The following RARB variants were observed in gnomAD, a reference collection of about 807,000 sequenced individuals.
RARB encodes the protein retinoic acid receptor beta.
RARB carries 17 observed loss-of-function variants against 51.9 expected under a neutral mutation model. The ratio of observed to expected loss-of-function variants is 0.33; its 90% confidence interval spans 0.22 to 0.49. The LOEUF is 0.49. RARB is among the 20% of genes least tolerant of loss of function. The pLI is 0.99. For missense variants in RARB, 369 were observed against 550.8 expected (o/e 0.67, Z 3.30); for synonymous variants, 215 against 195.4 (o/e 1.10, Z -0.84).
At chr3:24,975,886 A>G (rs1406199611) in intron 2 of RARB, among the ~76,000 whole-genome samples, 4 of 152,084 alleles carry the variant, frequency 2.6e-5, no homozygotes, top group Admixed American at 1.3e-4. Context: ...CGTCATTTAC[A>G]TTAGGTATTT....
chr3:25,014,167 T>C (rs1235607107), intron 2 of RARB, among the ~76,000 whole-genome samples: 1 of 152,134 alleles, frequency 6.6e-6, no homozygotes, highest in Non-Finnish European at 1.5e-5. Context: ...TCCCCAAACA[T>C]GTTCTTCACT....
chr3:25,171,965 T>C (rs572025166), intron 4 of RARB, among the ~76,000 whole-genome samples: 2 of 152,262 alleles, frequency 1.3e-5, no homozygotes, highest in Non-Finnish European at 2.9e-5. Context: ...AGAGGCTGTT[T>C]ACTTTCTTTT....
intron 2 of RARB, among the ~76,000 whole-genome samples, chr3:25,486,220 T>G (rs1696461416): frequency 6.6e-6 from 1 of 152,198 alleles, no homozygotes. Context: ...AGGCTTATGT[T>G]GGAGACATGC....
intron 2 of RARB, among the ~76,000 whole-genome samples, chr3:24,976,865 G>A (rs1379251092): frequency 1.3e-5 from 2 of 152,144 alleles, no homozygotes; most frequent in Admixed American, 6.5e-5. Flanking sequence ...TATTGCCTAG[G>A]TTTTCATCTA....
chr3:25,253,944 T>C (rs1702794801), intron 5 of RARB, among the ~76,000 whole-genome samples: 2 of 152,184 alleles, frequency 1.3e-5, no homozygotes, highest in South Asian at 4.1e-4. Context: ...TAGGGAACTG[T>C]GTCCTAAAAG....
chr3:25,381,015 C>A (rs939315854), intron 5 of RARB, among the ~76,000 whole-genome samples: 1 of 152,120 alleles, frequency 6.6e-6, no homozygotes, highest in Non-Finnish European at 1.5e-5. Flanking sequence ...TTTTCTCTTT[C>A]CTGTTTATTG....
At chr3:24,862,909 G>T (rs1702781188) in intron 2 of RARB, among the ~76,000 whole-genome samples, 1 of 152,170 alleles carries the variant, frequency 6.6e-6, no homozygotes, top group African/African-American at 2.4e-5. Context: ...ACTCACAGAG[G>T]CTGGGGTCAG....
chr3:25,347,361 G>A (rs527799961), intron 5 of RARB, among the ~76,000 whole-genome samples: 2 of 152,282 alleles, frequency 1.3e-5, no homozygotes, highest in East Asian at 1.9e-4. Flanking sequence ...CCTATGACAA[G>A]GTAGAGCTGG....
chr3:25,428,365 A>T lies in RARB; in HGVS notation c.-367A>T, dbSNP rs1269636980. 8.0e-7 allele frequency: 1 copy of T among 1,251,782 alleles called. No individual in the cohort carries two copies. Among genetic ancestry groups the T allele is most frequent in the Non-Finnish European group, 1.0e-6 (1 of 999,520 alleles). The allele number at this position is 1,251,782 out of a possible 1,614,324, so 77.5% of individuals were successfully genotyped here. On this transcript the variant is annotated 5_prime_UTR_variant, in exon 1 of 8. The change abolishes an upstream ATG in the 5' untranslated region. Coordinates refer to ENST00000330688, the MANE Select transcript of RARB (RefSeq NM_000965.5). ...CCATGCGAGCTGTTTGAGGACTGGG[A>T]TGCCGAGAACGCGAGCGATCCGAGC...
chr3:25,157,374 G>GTATA (rs201109968), intron 4 of RARB, among the ~76,000 whole-genome samples: 157 of 115,232 alleles, frequency 1.4e-3, no homozygotes, highest in South Asian at 3.6e-3. Flanking sequence ...GTGTGTGTGT[G>GTATA]TGTGTGTATA....
intron 2 of RARB, among the ~76,000 whole-genome samples, chr3:24,988,023 A>G (rs1696831723): frequency 6.6e-6 from 1 of 152,162 alleles, no homozygotes; most frequent in East Asian, 1.9e-4. Flanking sequence ...TACAGTAAGT[A>G]ACAGAGTGCT....
At chr3:25,139,116 T>A (rs1444971948) in intron 4 of RARB, among the ~76,000 whole-genome samples, 1 of 152,132 alleles carries the variant, frequency 6.6e-6, no homozygotes, top group East Asian at 1.9e-4. Flanking sequence ...AGCCATTCCT[T>A]GTCTCCCTCT....
chr3:25,404,303 G>C (rs537832630), intron 5 of RARB, among the ~76,000 whole-genome samples: 1 of 152,050 alleles, frequency 6.6e-6, no homozygotes, highest in Non-Finnish European at 1.5e-5. Context: ...TTAACATTCC[G>C]ACAGGGTTAG....
intron 2 of RARB, among the ~76,000 whole-genome samples, chr3:25,035,517 GATACATTGAAGGAAGTGATGCAGCCAAC>G (rs1244365636): frequency 6.8e-6 from 1 of 146,792 alleles, no homozygotes; most frequent in African/African-American, 2.6e-5. Flanking sequence ...ATATATCTGA[GATACATTGAAGGAAGTGATGCAGCCAAC>G]ATTCAGGTAC....
At chr3:25,387,404 G>A (rs1161415555) in intron 5 of RARB, among the ~76,000 whole-genome samples, 3 of 152,160 alleles carry the variant, frequency 2.0e-5, no homozygotes, top group Non-Finnish European at 4.4e-5. Flanking sequence ...TTATGGGTAG[G>A]AAACACATTG....
chr3:25,351,104 A>T (rs1705555858), intron 5 of RARB, among the ~76,000 whole-genome samples: 1 of 152,160 alleles, frequency 6.6e-6, no homozygotes, highest in South Asian at 2.1e-4. Context: ...ATTTCCAATT[A>T]AAACTTGGAT....
At chr3:25,111,190 A>C (rs1699595247) in intron 3 of RARB, among the ~76,000 whole-genome samples, 1 of 152,214 alleles carries the variant, frequency 6.6e-6, no homozygotes, top group Non-Finnish European at 1.5e-5. Flanking sequence ...TTTTGATTTC[A>C]TTTATTAAGA....
chr3:25,088,589 A>G (rs1699143537), intron 3 of RARB, among the ~76,000 whole-genome samples: 1 of 152,148 alleles, frequency 6.6e-6, no homozygotes, highest in Non-Finnish European at 1.5e-5. Context: ...GCCATTAATC[A>G]TGGTGAGGAG....
intron 3 of RARB, among the ~76,000 whole-genome samples, chr3:25,529,896 A>G (rs1176490585): frequency 2.0e-5 from 3 of 152,190 alleles, no homozygotes; most frequent in Non-Finnish European, 4.4e-5. Flanking sequence ...AGGTACTCAA[A>G]AAAGTGATTT....
Sources: gnomAD v4.1 joint callset for allele counts (sites outside exome capture counted in the v4.1 genomes callset) on GRCh38, gnomAD v4.1.1 for gene constraint, MANE v1.5 for transcripts, NCBI Gene and HGNC (gene_info 2026-07-23, HGNC 2026-07-21) for gene names.